Variants in HERC5 observed in about 807,000 individuals in gnomAD.
HERC5 encodes the protein E3 ISG15--protein ligase HERC5.
Under a neutral mutation model 119.6 loss-of-function variants are expected in HERC5, and 99 were observed. The observed-to-expected ratio is 0.83, with a 90% CI of 0.70 to 0.98. The LOEUF (loss-of-function observed/expected upper bound fraction) is 0.98, where lower values mean the gene tolerates loss of function less well. Among genes scored for constraint, HERC5 ranks in the 50% least tolerant of loss-of-function variants. HERC5 has a pLI of 0.00. For missense variants in HERC5, 1,267 were observed against 1,241.3 expected (o/e 1.02, Z -0.31); for synonymous variants, 478 against 445.9 (o/e 1.07, Z -0.91).
chr4:88,479,499 C>A lies in HERC5; in HGVS notation c.1729C>A (p.Leu577Met). The A allele has an allele frequency of 6.3e-7, 1 of 1,598,608 alleles. No individual in the cohort carries two copies. The highest frequency in any genetic ancestry group is 1.1e-5 in the South Asian group (1 of 87,724). ...VQALLEMLKK[L>M]HRVNQVKCQL... ...AGCTCTCCTAGAAATGTTGAAGAAG[C>A]TGCACAGGGTAAGAGTTCCTTTAGA... The change falls in exon 13 of 23, where the codon CTG becomes ATG. Residue 577 changes from leucine (L) to methionine (M), a missense_variant. Transcript: ENST00000264350.
At chr4:88,505,602 G>T in intron 22 of HERC5, 71 bp from the exon 23 acceptor site, 1 of 880,704 alleles carries the variant, frequency 1.1e-6, no homozygotes, top group Admixed American at 2.5e-5. Flanking sequence ...TGAATAAATA[G>T]ATTTTTTTCT....
chr4:88,476,372 C>T (rs181582021), intron 12 of HERC5, among the ~76,000 whole-genome samples: 1 of 152,230 alleles, frequency 6.6e-6, no homozygotes, highest in East Asian at 1.9e-4. Context: ...AGTCATAGCT[C>T]ACTGTAATCT....
chr4:88,468,493 T>A, intron 8 of HERC5, 71 bp downstream of exon 8: 1 of 1,011,110 alleles, frequency 9.9e-7, no homozygotes, highest in Non-Finnish European at 1.5e-6. Context: ...GTATCCCAGT[T>A]TGGTGAATTC....
Position 88,504,215 on chromosome 4 carries a change from ATTTTG to A in HERC5, c.2583-12_2583-8del, listed in dbSNP as rs1325748299. ...GGATATTGCAGTAAGTGGAAATAAC[ATTTTG>A]TTTTATTAAAGGAGAGACTATGTTT... On this transcript the variant is annotated splice_polypyrimidine_tract_variant and intron_variant, in intron 20 of 22. Coordinates refer to ENST00000264350, the MANE Select transcript of HERC5 (RefSeq NM_016323.4). 1 of 1,521,044 alleles carries A rather than the reference ATTTTG, an allele frequency of 6.6e-7. No individual in the cohort carries two copies. The highest frequency in any genetic ancestry group is 1.4e-5 in the African/African-American group (1 of 72,294). The allele number at this position is 1,521,044 out of a possible 1,614,324, so 94.2% of individuals were successfully genotyped here.
At chr4:88,474,316 G>A (rs761196873) in intron 11 of HERC5, among the ~76,000 whole-genome samples, 2 of 152,222 alleles carry the variant, frequency 1.3e-5, no homozygotes, top group Non-Finnish European at 2.9e-5. Context: ...TTGCCCAGAG[G>A]AATTAAGATC....
At chr4:88,473,381 C>G (rs1740944375) in intron 11 of HERC5, 1 of 152,060 alleles carries the variant, frequency 6.6e-6, no homozygotes, top group Non-Finnish European at 1.5e-5. Context: ...CTCTTTCCCT[C>G]TCAATCTTTG....
Position 88,494,225 on chromosome 4 carries a change from A to G in HERC5, c.2338A>G (p.Asn780Asp). The G allele has an allele frequency of 6.2e-7, 1 of 1,613,476 alleles. No individual in the cohort carries two copies. ...GGTTCTATGTGGACTTTCCCTGTTCAATTGCAATGTTGCCAACCTTCCTTT... is the reference window on the plus strand; with the variant it reads ...GGTTCTATGTGGACTTTCCCTGTTCGATTGCAATGTTGCCAACCTTCCTTT... ...FGVLCGLSLF[N>D]CNVANLPFPL... The change falls in exon 18 of 23, where the codon AAT (asparagine) becomes GAT (aspartate). Residue 780 changes from asparagine (N) to aspartate (D), a missense_variant. Asn to Asp is a conservative substitution (Grantham distance 23, BLOSUM62 1). Transcript: ENST00000264350.
chr4:88,469,338 T>C, intron 9 of HERC5, 78 bp downstream of exon 9: 4 of 942,128 alleles, frequency 4.2e-6, no homozygotes, highest in Non-Finnish European at 6.9e-6. Context: ...CACAGCAATA[T>C]GAGATTTTGT....
At chr4:88,464,167 G>GTTTTTTTTT (rs1560598587) in intron 6 of HERC5, among the ~76,000 whole-genome samples, 182 bp downstream of exon 6, 1 of 110,832 alleles carries the variant, frequency 9.0e-6, no homozygotes, top group African/African-American at 3.3e-5. Flanking sequence ...TGTTTTCTTT[G>GTTTTTTTTT]ATTTTTTTTT....
chr4:88,491,957 A>C (rs1397009281), intron 16 of HERC5, among the ~76,000 whole-genome samples: 1 of 152,102 alleles, frequency 6.6e-6, no homozygotes, highest in Non-Finnish European at 1.5e-5. Context: ...CCACTTCAGC[A>C]AACACCTTAT....
In HERC5 at chr4:88,479,382, A is replaced by G. The variant is rs1278545284; in HGVS notation, c.1612A>G (p.Thr538Ala). The change falls in exon 13 of 23, where the codon ACT (threonine) becomes GCT (alanine). Residue 538 changes from threonine (T) to alanine (A), a missense_variant. Thr to Ala is a moderately conservative substitution (Grantham distance 58, BLOSUM62 0). Transcript: ENST00000264350. ...EEYWATLQES[T>A]FSKLVQMFKT... The stretch of plus-strand genomic sequence containing the variant: ...GTATTGGGCAACTCTGCAAGAATCC[A>G]CTTTCAGCAAACTGGTCCAGATGTT... The G allele has an allele frequency of 2.5e-6, 4 of 1,609,040 alleles. No individual in the cohort carries two copies. The highest frequency in any genetic ancestry group is 2.2e-5 in the East Asian group (1 of 44,804).
chr4:88,486,123 G>A lies in HERC5; in HGVS notation c.1746G>A (p.Gln582=). 1 of 1,602,858 alleles carries A rather than the reference G, an allele frequency of 6.2e-7. No individual in the cohort carries two copies. Among genetic ancestry groups the A allele is most frequent in the Non-Finnish European group, 8.5e-7 (1 of 1,172,964 alleles). ...EMLKKLHRVN[Q]VKCQLPESIF... is the part of the protein sequence containing the mutation. ...GTCATATTTTATTTAAGGTAAACCA[G>A]GTGAAATGTCAACTACCTGAAAGTA... The change falls in exon 14 of 23, where the codon CAG becomes CAA. Residue 582 remains glutamine (Q), a synonymous_variant. Coordinates refer to ENST00000264350, the MANE Select transcript of HERC5 (RefSeq NM_016323.4).
chr4:88,480,113 C>T lies in HERC5; in HGVS notation c.1737+606C>T, dbSNP rs566925961. 3.3e-5 allele frequency among the ~76,000 whole-genome samples: 5 copies of T among 151,860 alleles called. No homozygotes were observed. The East Asian group carries it at 7.7e-4, about 23-fold the overall frequency. ...AATAACCTGTGTGCTTTAGAAATACCGTGTACCCCTCATGGGTTGCAACCC... is the reference window on the plus strand; with the variant it reads ...AATAACCTGTGTGCTTTAGAAATACTGTGTACCCCTCATGGGTTGCAACCC... On this transcript the variant is annotated intron_variant, in intron 13 of 22. Coordinates refer to ENST00000264350, the MANE Select transcript of HERC5 (RefSeq NM_016323.4).
At chr4:88,504,038 G>A (rs901516706) in intron 20 of HERC5, among the ~76,000 whole-genome samples, 194 bp from the exon 21 acceptor site, 2 of 151,028 alleles carry the variant, frequency 1.3e-5, no homozygotes, top group Non-Finnish European at 2.9e-5. Flanking sequence ...CTGCATTCCA[G>A]CCCAGGTGAC....
intron 13 of HERC5, 73 bp from the exon 14 acceptor site, chr4:88,486,041 TA>T: frequency 1.3e-6 from 1 of 769,030 alleles, no homozygotes; most frequent in Non-Finnish European, 2.2e-6. Flanking sequence ...TTTAATCTGA[TA>T]ATCTAATTAA....
At chr4:88,491,160 T>C (rs1741626461) in intron 16 of HERC5, among the ~76,000 whole-genome samples, 1 of 152,098 alleles carries the variant, frequency 6.6e-6, no homozygotes, top group Non-Finnish European at 1.5e-5. Flanking sequence ...GGGGGAAGGG[T>C]TTGACACCTG....
At chr4:88,502,927 T>TG (rs1203505187) in intron 20 of HERC5, among the ~76,000 whole-genome samples, 1 of 152,168 alleles carries the variant, frequency 6.6e-6, no homozygotes, top group Non-Finnish European at 1.5e-5. Flanking sequence ...TTATATGTAC[T>TG]GCAGATATCT....
intron 11 of HERC5, among the ~76,000 whole-genome samples, chr4:88,474,840 C>A (rs934713599): frequency 6.6e-6 from 1 of 152,126 alleles, no homozygotes. Flanking sequence ...AATATATGTA[C>A]ATCACTTAGC....
At chr4:88,489,444 G>T (rs1337280242) in intron 16 of HERC5, 108 bp downstream of exon 16, 2 of 1,116,332 alleles carry the variant, frequency 1.8e-6, no homozygotes, top group East Asian at 2.5e-5. Flanking sequence ...TGCCACAGAG[G>T]TTGTTTATTT....
Sources: gnomAD v4.1 joint callset for allele counts (sites outside exome capture counted in the v4.1 genomes callset) on GRCh38, gnomAD v4.1.1 for gene constraint, MANE v1.5 for transcripts, NCBI Gene and HGNC (gene_info 2026-07-23, HGNC 2026-07-21) for gene names.